Variants in PUM2 observed in about 807,000 individuals in gnomAD.
The protein encoded by PUM2 is pumilio RNA binding family member 2.
In PUM2, 57 loss-of-function variants were observed where a neutral mutation model predicts 124.5. The observed-to-expected ratio is 0.46, with a 90% confidence interval of 0.37 to 0.57. The LOEUF (loss-of-function observed/expected upper bound fraction) is 0.57, where lower values mean the gene tolerates loss of function less well. Among genes scored for constraint, PUM2 ranks in the 20% least tolerant of loss-of-function variants. The pLI, the probability that PUM2 is intolerant of heterozygous loss-of-function variation, is 0.00. For missense variants in PUM2, 1,065 were observed against 1,290.6 expected (o/e 0.83, Z 2.68); for synonymous variants, 460 against 446.1 (o/e 1.03, Z -0.39).
chr2:20,348,133 G>A (rs183909684), intron 1 of PUM2, among the ~76,000 whole-genome samples: 1 of 151,124 alleles, frequency 6.6e-6, no homozygotes, highest in Admixed American at 6.6e-5. Context: ...GACCAGCCTG[G>A]GCAACACAGC....
chr2:20,308,535 A>G lies in PUM2; in HGVS notation c.568T>C (p.Leu190=). The change falls in exon 6 of 21, where the codon TTG becomes CTG. Residue 190 remains leucine, a synonymous_variant. Transcript: ENST00000361078. ...TCTGAGGGATTAGTATTGGGGCCCA[A>G]GCGCTCAACTACTTCAGTTGGAGAG... ...QASPTEVVER[L]GPNTNPSEGL... is the part of the protein sequence containing the mutation. The G allele has an allele frequency of 6.2e-7, 1 of 1,614,038 alleles. No homozygotes were observed. The highest frequency in any genetic ancestry group is 1.1e-5 in the South Asian group (1 of 91,068).
At position 20,250,067 on chromosome 2, in the gene PUM2, A is replaced by G. The variant is rs2148334673; in HGVS notation, c.*1518T>C. 6.5e-6 allele frequency: 1 copy of G among 152,756 alleles called. No individual in the cohort carries two copies. The highest frequency in any genetic ancestry group is 1.9e-4 in the East Asian group (1 of 5,190). 9.5% of individuals were successfully genotyped at this position (152,756 alleles called of 1,614,324 possible). ...AATACAGTACTCTTCTGTACAAAGAAAAAAGTCACATCACATTTAATAAGA... is the reference window on the plus strand; with the variant it reads ...AATACAGTACTCTTCTGTACAAAGAGAAAAGTCACATCACATTTAATAAGA... On this transcript the variant is annotated 3_prime_UTR_variant, in exon 21 of 21. Transcript: ENST00000361078.
intron 1 of PUM2, among the ~76,000 whole-genome samples, chr2:20,330,630 A>G (rs1684715447): frequency 6.6e-6 from 1 of 152,196 alleles, no homozygotes; most frequent in South Asian, 2.1e-4. Context: ...CCATCTGGCT[A>G]TTCTCAACGG....
chr2:20,349,997 C>T (rs1031190639), intron 1 of PUM2, among the ~76,000 whole-genome samples: 1 of 152,202 alleles, frequency 6.6e-6, no homozygotes, highest in African/African-American at 2.4e-5. Flanking sequence ...AACTACTGCT[C>T]AAATAGTAGA....
chr2:20,274,957 CAAAAAAAAAA>C (rs774985208), intron 13 of PUM2, among the ~76,000 whole-genome samples: 1 of 31,428 alleles, frequency 3.2e-5, no homozygotes, highest in Non-Finnish European at 6.0e-5. Flanking sequence ...GAAGTATCTC[CAAAAAAAAAA>C]AAAAAAAGAT....
At chr2:20,253,358 G>A (rs139766368) in intron 20 of PUM2, among the ~76,000 whole-genome samples, 12 of 152,130 alleles carry the variant, frequency 7.9e-5, no homozygotes, top group East Asian at 3.9e-4. Flanking sequence ...GGCATGTATC[G>A]TCATACCCAG....
chr2:20,351,162 ATCT>A (rs1689304299), upstream of PUM2, among the ~76,000 whole-genome samples: 1 of 151,952 alleles, frequency 6.6e-6, no homozygotes, highest in Admixed American at 6.6e-5. Flanking sequence ...CGCCTTCTGA[ATCT>A]TCTTACCCTC....
chr2:20,332,910 C>T (rs975010577), intron 1 of PUM2: 2 of 152,006 alleles, frequency 1.3e-5, no homozygotes, highest in Non-Finnish European at 2.9e-5. Flanking sequence ...TTTTTGTCTG[C>T]ATTATTAAGG....
At chr2:20,283,658 T>C (rs1672075064) in intron 10 of PUM2, among the ~76,000 whole-genome samples, 172 bp from the exon 11 acceptor site, 1 of 152,138 alleles carries the variant, frequency 6.6e-6, no homozygotes, top group African/African-American at 2.4e-5. Flanking sequence ...TTACTAAATA[T>C]ATGAAAAAGT....
At position 20,311,335 on chromosome 2, in the gene PUM2, A is replaced by C. The variant is rs554971294; in HGVS notation, c.518+159T>G. Among the ~76,000 whole-genome samples, 5 of 152,254 alleles carry C rather than the reference A, an allele frequency of 3.3e-5. No homozygotes were observed. In the East Asian group the frequency reaches 5.8e-4, roughly 18 times the overall value. ...TTTTTTTAAAATGGTTCATAATCAC[A>C]AATTTTCTTTATAGTAAAAAACTAA... is the stretch of plus-strand genomic sequence containing the variant. On this transcript the variant is annotated intron_variant, in intron 5 of 20. Coordinates refer to ENST00000361078, the MANE Select transcript of PUM2 (RefSeq NM_015317.5).
intron 2 of PUM2, among the ~76,000 whole-genome samples, 187 bp downstream of exon 2, chr2:20,327,120 ACTG>A (rs1683869393): frequency 6.6e-6 from 1 of 151,834 alleles, no homozygotes. Flanking sequence ...ACTAAAAATT[ACTG>A]CTAAAAGCTT....
Position 20,308,078 on chromosome 2 carries a change from G to A in PUM2, c.790-7C>T, listed in dbSNP as rs1216396184. ...CATTAGTCCTCTGAAAGAGCTATTA[G>A]GGAAAATATTTAACACAAAGATTAG... On this transcript the variant is annotated splice_region_variant and splice_polypyrimidine_tract_variant and intron_variant, in intron 6 of 20. Transcript: ENST00000361078. 3.7e-6 allele frequency: 6 copies of A among 1,601,576 alleles called. No homozygotes were observed. The highest frequency in any genetic ancestry group is 5.1e-6 in the Non-Finnish European group (6 of 1,171,256).
rs138417086 is a variant in PUM2 at position 20,308,012 on chromosome 2, T to C, written c.849A>G (p.Gln283=). ...GCTGCTGAGCTGCTGCTAATGCATATTGCTGCTGTTGAGCTGCAGTTAACT... is the reference window on the plus strand; with the variant it reads ...GCTGCTGAGCTGCTGCTAATGCATACTGCTGCTGTTGAGCTGCAGTTAACT... ...VQQLTAAQQQ[Q]YALAAAQQPH... Residue 283 remains glutamine (Q), a synonymous_variant, in exon 7 of 21, where the codon CAA becomes CAG. Coordinates refer to ENST00000361078, the MANE Select transcript of PUM2 (RefSeq NM_015317.5). The C allele has an allele frequency of 1.5e-5, 24 of 1,613,580 alleles. No individual in the cohort carries two copies. Among genetic ancestry groups the C allele is most frequent in the South Asian group, 1.3e-4 (12 of 91,054 alleles).
At chr2:20,251,847 A>G in intron 20 of PUM2, 131 bp from the exon 21 acceptor site, 1 of 1,136,846 alleles carries the variant, frequency 8.8e-7, no homozygotes, top group Non-Finnish European at 1.2e-6. Context: ...AAAGAAAGCT[A>G]CTTTTTGCAA....
At chr2:20,319,546 A>G (rs1430319076) in intron 2 of PUM2, among the ~76,000 whole-genome samples, 1 of 152,246 alleles carries the variant, frequency 6.6e-6, no homozygotes, top group Non-Finnish European at 1.5e-5. Flanking sequence ...TCTTAAGGGC[A>G]TGGTCTGCTC....
chr2:20,267,118 G>A (rs964397953), intron 13 of PUM2, among the ~76,000 whole-genome samples: 2 of 151,712 alleles, frequency 1.3e-5, no homozygotes, highest in Non-Finnish European at 2.9e-5. Flanking sequence ...CCCTTCCTGG[G>A]TTCAAGTGAT....
chr2:20,282,094 T>C (rs1572693530), intron 12 of PUM2, among the ~76,000 whole-genome samples: 1 of 152,208 alleles, frequency 6.6e-6, no homozygotes. Context: ...CCTATCCTCA[T>C]GAAGTAAAAG....
chr2:20,271,640 A>G (rs1490169995), intron 13 of PUM2, among the ~76,000 whole-genome samples: 1 of 152,208 alleles, frequency 6.6e-6, no homozygotes, highest in African/African-American at 2.4e-5. Context: ...TAGTAATGAA[A>G]TATTTAAAAG....
chr2:20,330,682 G>A (rs1684726458), intron 1 of PUM2, among the ~76,000 whole-genome samples: 1 of 152,228 alleles, frequency 6.6e-6, no homozygotes, highest in Non-Finnish European at 1.5e-5. Context: ...GTAAATTTAA[G>A]TAATGTGCTT....
Sources: gnomAD v4.1 joint callset for allele counts (sites outside exome capture counted in the v4.1 genomes callset) on GRCh38, gnomAD v4.1.1 for gene constraint, MANE v1.5 for transcripts, NCBI Gene and HGNC (gene_info 2026-07-23, HGNC 2026-07-21) for gene names.